SS18: variants seen among roughly 807,000 people sequenced by gnomAD.
SS18 encodes SS18 subunit of BAF chromatin remodeling complex.
Under a neutral mutation model 72.5 loss-of-function variants are expected in SS18, and 28 were observed. The ratio of observed to expected loss-of-function variants is 0.39; its 90% confidence interval spans 0.29 to 0.53. The LOEUF (loss-of-function observed/expected upper bound fraction) is 0.53, where lower values mean the gene tolerates loss of function less well. Ranked by LOEUF, SS18 falls within the 20% of genes least tolerant of loss-of-function variation. SS18 has a pLI of 0.76. For synonymous variants in SS18, 172 were observed against 164.2 expected (o/e 1.05, Z -0.37); for missense variants, 518 against 535.3 (o/e 0.97, Z 0.32).
chr18:26,039,492 T>C (rs2053687457), intron 5 of SS18, 36 bp from the exon 6 acceptor site: 1 of 1,535,872 alleles, frequency 6.5e-7, no homozygotes, highest in Non-Finnish European at 8.8e-7. Flanking sequence ...CATAATTTTT[T>C]GTATATAACT....
At chr18:26,027,569 G>A (rs2053468191) in intron 10 of SS18, among the ~76,000 whole-genome samples, 1 of 149,712 alleles carries the variant, frequency 6.7e-6, no homozygotes, top group Non-Finnish European at 1.5e-5. Context: ...TTACTCATGA[G>A]GCTAAGGCAG....
chr18:26,067,718 A>G (rs7230483), intron 3 of SS18, among the ~76,000 whole-genome samples: 8,903 of 152,264 alleles, frequency 0.058, 766 homozygotes, highest in African/African-American at 0.19. Context: ...CTGCGCAGCC[A>G]GAGAGAGAAA....
At chr18:26,030,746 G>C (rs954705790) in intron 10 of SS18, among the ~76,000 whole-genome samples, 14 of 151,898 alleles carry the variant, frequency 9.2e-5, no homozygotes, top group African/African-American at 2.4e-4. Flanking sequence ...TGAGAAGTAA[G>C]AGCTAAGAAT....
Position 26,055,037 on chromosome 18 carries a change from C to T in SS18, c.386-2192G>A, listed in dbSNP as rs115906654. 5.3e-3 allele frequency among the ~76,000 whole-genome samples: 803 copies of T among 152,088 alleles called. 5 individuals carry two copies. Among genetic ancestry groups the T allele is most frequent in the Middle Eastern group, 0.02 (6 of 294 alleles). ...TACAGGCTTGAGCCACCATGCCCAG[C>T]GAGAGAATATCTCTTGAAGGACAAC... On this transcript the variant is annotated intron_variant, in intron 4 of 10. Coordinates refer to ENST00000415083, the MANE Select transcript of SS18 (RefSeq NM_001007559.3).
chr18:26,031,590 G>A (rs1340339170), intron 10 of SS18, among the ~76,000 whole-genome samples: 2 of 152,120 alleles, frequency 1.3e-5, no homozygotes, highest in Non-Finnish European at 2.9e-5. Context: ...GAGTATATAT[G>A]AGTACATTCA....
intron 3 of SS18, among the ~76,000 whole-genome samples, chr18:26,072,422 G>A (rs192885041): frequency 1.7e-3 from 250 of 150,554 alleles, no homozygotes; most frequent in South Asian, 4.4e-3. Context: ...AAACAGAAAG[G>A]AGGATAATAC....
intron 5 of SS18, among the ~76,000 whole-genome samples, chr18:26,044,454 G>A (rs2053784971): frequency 6.6e-6 from 1 of 151,288 alleles, no homozygotes; most frequent in Non-Finnish European, 1.5e-5. Flanking sequence ...CACCCGAGAA[G>A]CTGAGACTGC....
rs2053927193 is a variant in SS18, at chr18:26,051,705, G to A, written c.607+919C>T. 5.9e-5 allele frequency among the ~76,000 whole-genome samples: 9 copies of A among 152,108 alleles called. No homozygotes were observed. The South Asian group carries it at 1.9e-3, about 32-fold the overall frequency. ...CCATAAGCATTAAGTAACTTTGGGG[G>A]AAAAAAATGTAGCAAGTGCCAGTTT... On this transcript the variant is annotated intron_variant, in intron 5 of 10. Coordinates refer to ENST00000415083, the MANE Select transcript of SS18 (RefSeq NM_001007559.3).
At chr18:26,053,266 A>C (rs1167388233) in intron 4 of SS18, among the ~76,000 whole-genome samples, 2 of 152,222 alleles carry the variant, frequency 1.3e-5, no homozygotes, top group Non-Finnish European at 2.9e-5. Flanking sequence ...AATTCAGTAA[A>C]TGGTATTGTG....
At chr18:26,075,093 C>T (rs2054388510) in intron 3 of SS18, among the ~76,000 whole-genome samples, 1 of 151,764 alleles carries the variant, frequency 6.6e-6, no homozygotes, top group Non-Finnish European at 1.5e-5. Flanking sequence ...ATAAAAACTT[C>T]CTTGCAAAGA....
At position 26,034,433 on chromosome 18, in the gene SS18, T is replaced by C. The variant is rs181892724; in HGVS notation, c.1096+572A>G. The stretch of plus-strand genomic sequence containing the variant: ...TCAGATATCCAGGTAGCAGGTATTA[T>C]AAGTGAGTATATAATAGGAAAATAT... On this transcript the variant is annotated intron_variant, in intron 9 of 10. Coordinates refer to ENST00000415083, the MANE Select transcript of SS18 (RefSeq NM_001007559.3). 7.1e-3 allele frequency among the ~76,000 whole-genome samples: 1,083 copies of C among 152,136 alleles called. 15 individuals carry two copies. The highest frequency in any genetic ancestry group is 0.025 in the African/African-American group (1,027 of 41,562).
At chr18:26,054,688 A>G (rs1201035917) in intron 4 of SS18, among the ~76,000 whole-genome samples, 2 of 152,034 alleles carry the variant, frequency 1.3e-5, no homozygotes, top group African/African-American at 4.8e-5. Flanking sequence ...AAAAAAAAAG[A>G]GTAAAAATAA....
intron 3 of SS18, among the ~76,000 whole-genome samples, chr18:26,058,406 T>G (rs1410854143): frequency 1.3e-5 from 2 of 152,180 alleles, no homozygotes; most frequent in Non-Finnish European, 2.9e-5. Flanking sequence ...AGATATGAGG[T>G]GGTCTGCCAC....
chr18:26,086,841 TAC>T lies in SS18; in HGVS notation c.146+658_146+659del, dbSNP rs550614126. Among the ~76,000 whole-genome samples, 36 of 152,312 alleles carry T rather than the reference TAC, an allele frequency of 2.4e-4. No homozygotes were observed. The South Asian group carries it at 6.2e-3, about 26-fold the overall frequency. On this transcript the variant is annotated intron_variant, in intron 2 of 10. Coordinates refer to ENST00000415083, the MANE Select transcript of SS18 (RefSeq NM_001007559.3). ...TCTAACTTTCCCACAGATAAGACTA[TAC>T]ATATATTTGAAGTCATTATTGTATA... is the stretch of plus-strand genomic sequence containing the variant.
rs529749646 is a variant in SS18 at position 26,081,989 on chromosome 18, T to C, written c.147-3829A>G. 4.5e-4 allele frequency among the ~76,000 whole-genome samples: 69 copies of C among 152,008 alleles called. 2 individuals carry two copies. In the South Asian group the frequency reaches 0.014, roughly 30 times the overall value. The stretch of plus-strand genomic sequence containing the variant: ...GGGAGGATCACTTGAGAACAGGAGG[T>C]TGAGGCTGCAGTGAGCCATTATCAT... On this transcript the variant is annotated intron_variant, in intron 2 of 10. Transcript: ENST00000415083.
Position 26,084,926 on chromosome 18 carries a change from C to A in SS18, c.146+2575G>T, listed in dbSNP as rs1167441287. Among the ~76,000 whole-genome samples, 5 of 152,100 alleles carry A rather than the reference C, an allele frequency of 3.3e-5. No individual in the cohort carries two copies. In the East Asian group the frequency reaches 9.6e-4, roughly 29 times the overall value. ...AAATATTAGATAATAGTATTGCATT[C>A]TTGATTTTAACAATTATACTCTGGT... is the stretch of plus-strand genomic sequence containing the variant. On this transcript the variant is annotated intron_variant, in intron 2 of 10. Transcript: ENST00000415083.
intron 7 of SS18, 125 bp downstream of exon 7, chr18:26,038,430 T>C (rs1301406728): frequency 7.5e-6 from 6 of 800,742 alleles, no homozygotes; most frequent in Non-Finnish European, 1.3e-5. Context: ...AGTACTGAAG[T>C]GTTTCAAAAT....
rs749190101 is a variant in SS18, at chr18:26,090,488, C to A, written c.69+13G>T. 1.9e-6 allele frequency: 3 copies of A among 1,561,850 alleles called. No homozygotes were observed. The African/African-American group carries it at 4.1e-5, about 21-fold the overall frequency. Reference sequence around the variant, plus strand: ...GGTAAGGGCCTGGCATCCGCAACCCCGCGCGGTTTCACCTTCTGAATCGCA... The same window carrying A: ...GGTAAGGGCCTGGCATCCGCAACCCAGCGCGGTTTCACCTTCTGAATCGCA... On this transcript the variant is annotated intron_variant, in intron 1 of 10. Transcript: ENST00000415083.
At chr18:26,081,315 C>T (rs935349665) in intron 2 of SS18, 1 of 152,262 alleles carries the variant, frequency 6.6e-6, no homozygotes, top group Non-Finnish European at 1.5e-5. Context: ...CTCAGCCTCC[C>T]AAGCAGTTGG....
Sources: allele counts gnomAD v4.1 joint callset (sites outside exome capture counted in the v4.1 genomes callset), GRCh38; gene constraint gnomAD v4.1.1; transcripts MANE v1.5; gene names NCBI Gene and HGNC (gene_info 2026-07-23, HGNC 2026-07-21).